The following TAOK2 variants were observed in gnomAD, a reference collection of about 807,000 sequenced individuals.
TAOK2 encodes TAO kinase 2, also known as serine/threonine-protein kinase TAO2.
TAOK2 carries 42 observed loss-of-function variants against 122.5 expected under a neutral mutation model. The ratio of observed to expected loss-of-function variants is 0.34; its 90% CI spans 0.27 to 0.44. The LOEUF (loss-of-function observed/expected upper bound fraction) is 0.44. TAOK2 is among the 20% of genes least tolerant of loss of function. TAOK2 has a pLI of 1.00. For missense variants in TAOK2, 1,264 were observed against 1,644.9 expected (o/e 0.77, Z 4.01); for synonymous variants, 704 against 677.6 (o/e 1.04, Z -0.61).
rs544977714 is a variant in TAOK2, at chr16:29,973,897, G to T, written c.-787G>T. 1.3e-5 allele frequency: 2 copies of T among 152,658 alleles called. No individual in the cohort carries two copies. The highest frequency in any genetic ancestry group is 1.9e-4 in the East Asian group (1 of 5,196). The allele number at this position is 152,658 out of a possible 1,614,324, so 9.5% of individuals were successfully genotyped here. A position where few individuals can be genotyped will look rare whatever the true frequency, so the allele number is the denominator to read the frequency against. On this transcript the variant is annotated 5_prime_UTR_variant, in exon 1 of 16. Coordinates refer to ENST00000308893, the MANE Select transcript of TAOK2 (RefSeq NM_016151.4). ...ATCTTGGAATTGGGAGGAAGAGGGA[G>T]AGGGAGACCGGGACGAGACCGGGGC...
In TAOK2 at chr16:29,986,248, C is replaced by A; in HGVS notation, c.1993-17C>A. 6.6e-7 allele frequency: 1 copy of A among 1,508,460 alleles called. No homozygotes were observed. The highest frequency in any genetic ancestry group is 1.3e-5 in the South Asian group (1 of 74,092). The allele number at this position is 1,508,460 out of a possible 1,614,324, so 93.4% of individuals were successfully genotyped here. A position where few individuals can be genotyped will look rare whatever the true frequency, so the allele number is the denominator to read the frequency against. ...GATACTGACCAGGCCCCGGGCCCTG[C>A]ATTTCTTCTGCCTCAGGACCTGAAC... is the stretch of plus-strand genomic sequence containing the variant. On this transcript the variant is annotated splice_polypyrimidine_tract_variant and intron_variant, in intron 15 of 15. Coordinates refer to ENST00000308893, the MANE Select transcript of TAOK2 (RefSeq NM_016151.4). The surrounding 1 kb of genome is among the most constrained non-coding windows in gnomAD (Gnocchi z 4.2).
downstream of TAOK2, chr16:29,991,788 T>C: frequency 2.1e-6 from 1 of 472,716 alleles, no homozygotes; most frequent in South Asian, 6.6e-5. The surrounding 1 kb of genome is among the most constrained non-coding windows in gnomAD (Gnocchi z 5.6). Flanking sequence ...CCCGCCTCCC[T>C]ACCATGGTGC....
Position 29,985,119 on chromosome 16 carries a change from T to G in TAOK2, c.1423-94T>G. 7.1e-7 allele frequency: 1 copy of G among 1,399,560 alleles called. No individual in the cohort carries two copies. The highest frequency in any genetic ancestry group is 9.3e-7 in the Non-Finnish European group (1 of 1,073,284). The allele number at this position is 1,399,560 out of a possible 1,614,324, so 86.7% of individuals were successfully genotyped here. ...GTTAAATGAGAATGAAACCCATGAG[T>G]TGAAAACCCATGCTCTTCCCCACGG... On this transcript the variant is annotated intron_variant, in intron 13 of 15. Coordinates refer to ENST00000308893, the MANE Select transcript of TAOK2 (RefSeq NM_016151.4). The surrounding 1 kb of genome is among the most constrained non-coding windows in gnomAD (Gnocchi z 6.9).
intron 10 of TAOK2, among the ~76,000 whole-genome samples, chr16:29,982,421 A>C (rs1362136118): frequency 6.6e-6 from 1 of 152,226 alleles, no homozygotes; most frequent in Admixed American, 6.5e-5. Context: ...ATTGTAGGAT[A>C]CTGTATGAAG....
downstream of TAOK2, chr16:29,991,170 A>G (rs2069959632): frequency 5.0e-6 from 8 of 1,611,464 alleles, no homozygotes; most frequent in Non-Finnish European, 5.9e-6. This position sits in a 1 kb window ranked among gnomAD's most constrained non-coding sequence, Gnocchi z 5.6. Flanking sequence ...CTTCTCCAGC[A>G]TGGCTCTGGG....
chr16:29,988,075 A>G lies in TAOK2; in HGVS notation c.*95A>G. 2 of 1,440,712 alleles carry G rather than the reference A, an allele frequency of 1.4e-6. No homozygotes were observed. 89.2% of individuals were successfully genotyped at this position (1,440,712 alleles called of 1,614,324 possible). ...CTCCAGTCCCTAGTCCTCTCTTTTC[A>G]CCCACCTTCCTCAGTTTGCTCACTT... is the stretch of plus-strand genomic sequence containing the variant. On this transcript the variant is annotated 3_prime_UTR_variant, in exon 16 of 16. Transcript: ENST00000308893.
At chr16:29,977,311 G>T (rs2069485353) in intron 1 of TAOK2, among the ~76,000 whole-genome samples, 1 of 152,174 alleles carries the variant, frequency 6.6e-6, no homozygotes, top group Admixed American at 6.5e-5. Flanking sequence ...GGAGGAGGGG[G>T]CCTCAGCGCC....
chr16:29,982,656 G>A, intron 10 of TAOK2, 78 bp from the exon 11 acceptor site: 2 of 1,554,900 alleles, frequency 1.3e-6, no homozygotes, highest in Admixed American at 3.6e-5. Flanking sequence ...AGTGCCTCAG[G>A]CCTGAGGGAA....
At chr16:29,975,711 G>A (rs2150877710) in intron 1 of TAOK2, among the ~76,000 whole-genome samples, 1 of 152,306 alleles carries the variant, frequency 6.6e-6, no homozygotes, top group South Asian at 2.1e-4. Flanking sequence ...TCTTTTAACT[G>A]TTCAAGCCAA....
chr16:29,991,080 C>T (rs751418451), downstream of TAOK2: 26 of 1,582,548 alleles, frequency 1.6e-5, no homozygotes, highest in South Asian at 4.6e-5. This position sits in a 1 kb window ranked among gnomAD's most constrained non-coding sequence, Gnocchi z 5.6. Context: ...GCAGACAGGA[C>T]GCTCCGAGCG....
Position 29,985,244 on chromosome 16 carries a change from ACT to A in TAOK2, c.1457_1458del (p.Ser486CysfsTer10). Reference sequence around the variant, plus strand: ...CGTCAGATCCAGGAGCATGAGCAGGACTCTGCGCTGCGGGAGCAGCTGAGCGG... The same window carrying A: ...CGTCAGATCCAGGAGCATGAGCAGGACTGCGCTGCGGGAGCAGCTGAGCGG... On this transcript the variant is annotated frameshift_variant, in exon 14 of 16. Coordinates refer to ENST00000308893, the MANE Select transcript of TAOK2 (RefSeq NM_016151.4). LOFTEE classifies it high-confidence loss of function. This position sits in a 1 kb window ranked among gnomAD's most constrained non-coding sequence, Gnocchi z 6.9. 1 of 1,541,742 alleles carries A rather than the reference ACT, an allele frequency of 6.5e-7. No individual in the cohort carries two copies. Among genetic ancestry groups the A allele is most frequent in the Non-Finnish European group, 8.8e-7 (1 of 1,142,476 alleles).
intron 5 of TAOK2, 63 bp from the exon 6 acceptor site, chr16:29,978,911 G>A: frequency 1.2e-6 from 2 of 1,613,510 alleles, no homozygotes; most frequent in African/African-American, 1.3e-5. Context: ...GAAGGGTTAA[G>A]GGGAGTTTAT....
rs1458906661 is a variant in TAOK2, at chr16:29,986,486, G to A, written c.2214G>A (p.Gln738=). The A allele has an allele frequency of 6.2e-7, 1 of 1,605,938 alleles. No individual in the cohort carries two copies. The highest frequency in any genetic ancestry group is 8.5e-7 in the Non-Finnish European group (1 of 1,175,678). The change falls in exon 16 of 16, where the codon CAG becomes CAA. Residue 738 remains glutamine, a synonymous_variant. Transcript: ENST00000308893. This position sits in a 1 kb window ranked among gnomAD's most constrained non-coding sequence, Gnocchi z 4.2. ...AGAAGCATGCGGCCCAGGTTCGCCA[G>A]CAGCCCAAGAGCCTCAAAGTACGTG... ...LRQKHAAQVR[Q]QPKSLKVRAG...
intron 1 of TAOK2, among the ~76,000 whole-genome samples, chr16:29,976,425 CA>C (rs2069456911): frequency 6.6e-6 from 1 of 152,142 alleles, no homozygotes; most frequent in African/African-American, 2.4e-5. Context: ...TGGGCTGAGA[CA>C]AAATTAACAA....
chr16:29,984,803 T>TA (rs2150898768), intron 13 of TAOK2, among the ~76,000 whole-genome samples: 1 of 152,240 alleles, frequency 6.6e-6, no homozygotes, highest in East Asian at 1.9e-4. Flanking sequence ...AGTCCGAACT[T>TA]ACCCCACAGC....
Position 29,985,201 on chromosome 16 carries a change from C to T in TAOK2, c.1423-12C>T, listed in dbSNP as rs2069745694. ...GGCTGAGCCCCAGCTCTCACCCTCTCTCCTTCCCCAGGTCAGCCGTCAGAT... is the reference window on the plus strand; with the variant it reads ...GGCTGAGCCCCAGCTCTCACCCTCTTTCCTTCCCCAGGTCAGCCGTCAGAT... On this transcript the variant is annotated splice_polypyrimidine_tract_variant and intron_variant, in intron 13 of 15. Transcript: ENST00000308893. The surrounding 1 kb of genome is among the most constrained non-coding windows in gnomAD (Gnocchi z 6.9). 1.3e-6 allele frequency: 2 copies of T among 1,497,114 alleles called. No homozygotes were observed. Among genetic ancestry groups the T allele is most frequent in the East Asian group, 2.3e-5 (1 of 43,030 alleles). The allele number at this position is 1,497,114 out of a possible 1,614,324, so 92.7% of individuals were successfully genotyped here.
Position 29,979,065 on chromosome 16 carries a change from C to T in TAOK2, c.444C>T (p.Ile148=). 6.2e-7 allele frequency: 1 copy of T among 1,614,138 alleles called. No homozygotes were observed. The highest frequency in any genetic ancestry group is 8.5e-7 in the Non-Finnish European group (1 of 1,180,038). ...CATATCTGCACTCCCACAACATGAT[C>T]CATAGGTACAAGCAGCACCGGCAGT... The part of the protein sequence containing the change: ...GLAYLHSHNM[I]HRDVKAGNIL... The change falls in exon 6 of 16, where the codon ATC becomes ATT. Residue 148 remains isoleucine, a synonymous_variant. Transcript: ENST00000308893. This position sits in a 1 kb window ranked among gnomAD's most constrained non-coding sequence, Gnocchi z 4.1.
At chr16:29,991,356 A>G (rs80174893), downstream of TAOK2, 16 of 1,592,814 alleles carry the variant, frequency 1.0e-5, no homozygotes, top group Admixed American at 8.7e-5. This position sits in a 1 kb window ranked among gnomAD's most constrained non-coding sequence, Gnocchi z 5.6. Context: ...AGGCCCCCCA[A>G]ACTGGCTGGG....
chr16:29,982,631 C>T (rs182303262), intron 10 of TAOK2, 103 bp from the exon 11 acceptor site: 7 of 1,465,006 alleles, frequency 4.8e-6, no homozygotes, highest in African/African-American at 1.4e-5. Context: ...CCGTGGTGGG[C>T]GTGGGCCCCA....
Sources: gnomAD v4.1 joint callset for allele counts (sites outside exome capture counted in the v4.1 genomes callset) on GRCh38, gnomAD v4.1.1 for gene constraint, Gnocchi (gnomAD v3.1) non-coding constraint, MANE v1.5 for transcripts, NCBI Gene and HGNC (gene_info 2026-07-23, HGNC 2026-07-21) for gene names.